The following CMYA5 variants were observed in gnomAD, a reference collection of about 807,000 sequenced individuals.
CMYA5 encodes the protein cardiomyopathy associated 5, also known as cardiomyopathy-associated protein 5.
Under a neutral mutation model 318.9 loss-of-function variants are expected in CMYA5, and 246 were observed. The observed-to-expected ratio is 0.77, with a 90% CI of 0.70 to 0.86. The LOEUF (loss-of-function observed/expected upper bound fraction) is 0.86, where lower values mean the gene tolerates loss of function less well. Ranked by LOEUF, CMYA5 falls within the 40% of genes least tolerant of loss-of-function variation. The pLI, the probability that CMYA5 is intolerant of heterozygous loss-of-function variation, is 0.00. For synonymous variants in CMYA5, 1,641 were observed against 1,729.5 expected (o/e 0.95, Z 1.27); for missense variants, 4,589 against 4,678.2 (o/e 0.98, Z 0.56).
chr5:79,699,606 A>T (rs1718098974), intron 1 of CMYA5, among the ~76,000 whole-genome samples: 1 of 152,206 alleles, frequency 6.6e-6, no homozygotes, highest in South Asian at 2.1e-4. Context: ...CATCCAGAGC[A>T]GACTGGGTGA....
At chr5:79,743,255 C>A (rs1828254310) in intron 2 of CMYA5, among the ~76,000 whole-genome samples, 2 of 152,154 alleles carry the variant, frequency 1.3e-5, no homozygotes, top group Non-Finnish European at 2.9e-5. Context: ...GCTCCCCTAT[C>A]ACCCCATACG....
At chr5:79,791,303 G>T (rs935622323) in intron 11 of CMYA5, among the ~76,000 whole-genome samples, 2 of 152,086 alleles carry the variant, frequency 1.3e-5, no homozygotes, top group African/African-American at 4.8e-5. Flanking sequence ...AAGCACAGAT[G>T]GTTTGGTTAA....
At chr5:79,789,183 G>T in intron 10 of CMYA5, 79 bp downstream of exon 10, 1 of 1,517,824 alleles carries the variant, frequency 6.6e-7, no homozygotes, top group Non-Finnish European at 8.9e-7. Flanking sequence ...TGTCCTAGAG[G>T]GCAACTTTAT....
Position 79,732,768 on chromosome 5 carries a change from G to T in CMYA5, c.4003G>T (p.Ala1335Ser), listed in dbSNP as rs371301588. The change falls in exon 2 of 13, where the codon GCA (alanine) becomes TCA (serine). Residue 1335 changes from alanine (A) to serine (S), a missense_variant. Ala to Ser is a moderately conservative substitution (Grantham distance 99). Coordinates refer to ENST00000446378, the MANE Select transcript of CMYA5 (RefSeq NM_153610.5). Reference protein sequence around the residue: ...KQVEHGPPALAFSALSEEIKK... With the variant: ...KQVEHGPPALSFSALSEEIKK... ...AGTTGAACATGGTCCACCTGCACTAGCATTTTCAGCTTTGTCAGAAGAAAT... is the reference window on the plus strand; with the variant it reads ...AGTTGAACATGGTCCACCTGCACTATCATTTTCAGCTTTGTCAGAAGAAAT... 4 of 1,613,616 alleles carry T rather than the reference G, an allele frequency of 2.5e-6. No individual in the cohort carries two copies. In the African/African-American group the frequency reaches 5.3e-5, roughly 22 times the overall value.
rs746486022 is a variant in CMYA5 at position 79,734,508 on chromosome 5, C to T, written c.5743C>T (p.Gln1915Ter). The change falls in exon 2 of 13, where the codon CAG becomes TAG. Residue 1915 changes from glutamine (Q) to a stop codon, truncating the protein, a stop_gained. Coordinates refer to ENST00000446378, the MANE Select transcript of CMYA5 (RefSeq NM_153610.5). LOFTEE classifies it high-confidence loss of function. ...QHEQRIAGSV[Q>*]LDSSSSNELR... is the part of the protein sequence containing the mutation. ...CGAACAGAGAATAGCAGGATCTGTGCAGCTGGATTCCTCTAGCAGCAATGA... is the reference window on the plus strand; with the variant it reads ...CGAACAGAGAATAGCAGGATCTGTGTAGCTGGATTCCTCTAGCAGCAATGA... The T allele has an allele frequency of 1.9e-6, 3 of 1,613,720 alleles. No homozygotes were observed. The highest frequency in any genetic ancestry group is 2.5e-6 in the Non-Finnish European group (3 of 1,179,764).
chr5:79,769,288 C>T (rs183579135), intron 9 of CMYA5, among the ~76,000 whole-genome samples: 118 of 151,992 alleles, frequency 7.8e-4, no homozygotes, highest in Non-Finnish European at 1.2e-3. Context: ...CTTCTGAAGC[C>T]GACTTCTGTC....
chr5:79,700,678 T>A (rs1005380136), intron 1 of CMYA5, among the ~76,000 whole-genome samples: 8 of 151,790 alleles, frequency 5.3e-5, no homozygotes, highest in Non-Finnish European at 1.2e-4. Context: ...AATGGATGAG[T>A]GGATAAGGAA....
In CMYA5 at chr5:79,739,188, C is replaced by A. The variant is rs1228888262; in HGVS notation, c.10423C>A (p.Pro3475Thr). 6.2e-7 allele frequency: 1 copy of A among 1,613,190 alleles called. No individual in the cohort carries two copies. Among genetic ancestry groups the A allele is most frequent in the Non-Finnish European group, 8.5e-7 (1 of 1,179,652 alleles). Residue 3475 changes from proline (P) to threonine (T), a missense_variant, in exon 2 of 13, where the codon CCT (proline) becomes ACT (threonine). Physicochemically the swap from Pro to Thr is conservative, Grantham distance 38 (BLOSUM62 -1). Coordinates refer to ENST00000446378, the MANE Select transcript of CMYA5 (RefSeq NM_153610.5). ...TGCGAGTGAGGCAGAACAAAGTACA[C>A]CTGCTGAACAAAAAGAGTTGGGCAG... ...EFASEAEQST[P>T]AEQKELGSER...
In CMYA5 at chr5:79,739,337, CAAGGTGTTTGGCACCCACA is replaced by C. The variant is rs779854473; in HGVS notation, c.10576_10594del (p.Val3526ThrfsTer11). On this transcript the variant is annotated frameshift_variant, in exon 2 of 13. Transcript: ENST00000446378. LOFTEE classifies it high-confidence loss of function. ...GCAAATGTCCAATTTCTGCCACTGA[CAAGGTGTTTGGCACCCACA>C]AAGACCATGAAGTTTCAACGCTTGA... 1.4e-5 allele frequency: 22 copies of C among 1,575,454 alleles called. 1 individual carries two copies. In the South Asian group the frequency reaches 2.5e-4, roughly 18 times the overall value.
At chr5:79,726,832 A>C in intron 1 of CMYA5, among the ~76,000 whole-genome samples, 1 of 151,806 alleles carries the variant, frequency 6.6e-6, no homozygotes, top group Non-Finnish European at 1.5e-5. Context: ...CCAACCTAAC[A>C]AACCAGGAAG....
intron 9 of CMYA5, among the ~76,000 whole-genome samples, chr5:79,766,994 G>T (rs148047348): frequency 0.01 from 1,586 of 152,262 alleles, 16 homozygotes; most frequent in Middle Eastern, 0.027. Flanking sequence ...CTTGTTATTG[G>T]TCTATTCAGG....
intron 3 of CMYA5, 54 bp from the exon 4 acceptor site, chr5:79,745,168 A>T: frequency 8.6e-7 from 1 of 1,165,626 alleles, no homozygotes; most frequent in Non-Finnish European, 1.2e-6. Flanking sequence ...AAAAAAAAAA[A>T]GCAGCATTTC....
At chr5:79,696,385 A>G (rs1451754658) in intron 1 of CMYA5, among the ~76,000 whole-genome samples, 2 of 152,226 alleles carry the variant, frequency 1.3e-5, no homozygotes, top group East Asian at 3.8e-4. Flanking sequence ...TTCAGTTCCA[A>G]AATTCTTCAT....
At chr5:79,775,269 G>A (rs1450627221) in intron 9 of CMYA5, among the ~76,000 whole-genome samples, 3 of 152,042 alleles carry the variant, frequency 2.0e-5, no homozygotes, top group South Asian at 2.1e-4. Flanking sequence ...CTTTGATCAC[G>A]TACAACACCT....
chr5:79,798,734 A>G (rs1240354784), intron 12 of CMYA5, among the ~76,000 whole-genome samples: 1 of 152,174 alleles, frequency 6.6e-6, no homozygotes, highest in Non-Finnish European at 1.5e-5. Context: ...ATGGATATGC[A>G]CAAGGAATAG....
intron 2 of CMYA5, among the ~76,000 whole-genome samples, chr5:79,739,719 A>G (rs1439057244): frequency 6.6e-6 from 1 of 152,092 alleles, no homozygotes; most frequent in East Asian, 1.9e-4. Flanking sequence ...GTGGTGGCTC[A>G]CACCTATAAT....
At chr5:79,698,311 C>CA (rs1243074062) in intron 1 of CMYA5, among the ~76,000 whole-genome samples, 59 of 105,536 alleles carry the variant, frequency 5.6e-4, no homozygotes, top group Non-Finnish European at 1.7e-5. Flanking sequence ...AAACAAAAAA[C>CA]AAAAACAAAA....
intron 9 of CMYA5, among the ~76,000 whole-genome samples, 156 bp from the exon 10 acceptor site, chr5:79,788,815 T>C (rs991995339): frequency 1.3e-5 from 2 of 152,204 alleles, no homozygotes; most frequent in Non-Finnish European, 2.9e-5. Context: ...AATGGCCATT[T>C]TGTAGGACCT....
intron 2 of CMYA5, among the ~76,000 whole-genome samples, chr5:79,740,377 T>C (rs185963485): frequency 3.3e-5 from 5 of 152,298 alleles, no homozygotes; most frequent in Admixed American, 3.3e-4. Flanking sequence ...CCAAATAATT[T>C]GAAATTTAAA....
Sources: allele counts gnomAD v4.1 joint callset (sites outside exome capture counted in the v4.1 genomes callset), GRCh38; gene constraint gnomAD v4.1.1; transcripts MANE v1.5; gene names NCBI Gene and HGNC (gene_info 2026-07-23, HGNC 2026-07-21).